CFAP91: variants seen among roughly 807,000 people sequenced by gnomAD.
CFAP91 encodes the protein cilia and flagella associated protein 91.
In CFAP91, 85 loss-of-function variants were observed where a neutral mutation model predicts 95.9. The ratio of observed to expected loss-of-function variants is 0.89; its 90% CI spans 0.74 to 1.06. The LOEUF is 1.06. Ranked by LOEUF, CFAP91 falls within the 50% of genes least tolerant of loss-of-function variation. The pLI, the probability that CFAP91 is intolerant of heterozygous loss-of-function variation, is 0.00. For synonymous variants in CFAP91, 335 were observed against 327.5 expected (o/e 1.02, Z -0.25); for missense variants, 962 against 943.4 (o/e 1.02, Z -0.26).
At chr3:119,705,103 A>G (rs1286925171) in intron 1 of CFAP91, among the ~76,000 whole-genome samples, 1 of 152,194 alleles carries the variant, frequency 6.6e-6, no homozygotes, top group East Asian at 1.9e-4. Flanking sequence ...CTTCCATCTG[A>G]CAGAAAGCCT....
chr3:119,707,758 A>G (rs918791363), intron 3 of CFAP91, among the ~76,000 whole-genome samples, 197 bp downstream of exon 3: 4 of 118,904 alleles, frequency 3.4e-5, no homozygotes, highest in African/African-American at 6.3e-5. Flanking sequence ...TAATTTTGTC[A>G]TATATATAAT....
Position 119,733,563 on chromosome 3 carries a change from C to T in CFAP91, c.1344+57C>T, listed in dbSNP as rs573016455. ...CTAGTATGATTTTTGCAGATAAATG[C>T]TACACTCCAAAAATTGCAGCAATGT... On this transcript the variant is annotated intron_variant, in intron 10 of 17. Coordinates refer to ENST00000273390, the MANE Select transcript of CFAP91 (RefSeq NM_033364.4). 2.0e-5 allele frequency: 31 copies of T among 1,562,782 alleles called. No homozygotes were observed. In the East Asian group the frequency reaches 6.1e-4, roughly 31 times the overall value.
In CFAP91 at chr3:119,726,233, G is replaced by T. The variant is rs371364868; in HGVS notation, c.745G>T (p.Ala249Ser). The T allele has an allele frequency of 5.0e-6, 8 of 1,613,686 alleles. No homozygotes were observed. Among genetic ancestry groups the T allele is most frequent in the Non-Finnish European group, 6.8e-6 (8 of 1,179,874 alleles). The stretch of plus-strand genomic sequence containing the variant: ...GATAGAAAGAGCCCGCGAGAAGCGT[G>T]CTTGGGAAGCCTCTCTCCCCGCTCT... Reference protein sequence around the residue: ...EMIERAREKRAWEASLPALSD... With the variant: ...EMIERAREKRSWEASLPALSD... The change falls in exon 7 of 18, where the codon GCT (alanine) becomes TCT (serine). Residue 249 changes from alanine to serine, a missense_variant. Ala to Ser is a moderately conservative substitution (Grantham distance 99). Transcript: ENST00000273390.
At chr3:119,748,065 T>C (rs1272126192) in intron 16 of CFAP91, among the ~76,000 whole-genome samples, 163 bp downstream of exon 16, 4 of 152,228 alleles carry the variant, frequency 2.6e-5, no homozygotes, top group Non-Finnish European at 5.9e-5. Context: ...TGCTGCCTGA[T>C]TCTAGAATAT....
rs558372385 is a variant in CFAP91 at position 119,738,564 on chromosome 3, G to C, written c.1462-691G>C. Among the ~76,000 whole-genome samples the C allele has an allele frequency of 1.4e-3, 215 of 151,768 alleles. 1 individual carries two copies. The highest frequency in any genetic ancestry group is 4.0e-4 in the Non-Finnish European group (27 of 67,878). On this transcript the variant is annotated intron_variant, in intron 11 of 17. Transcript: ENST00000273390. ...GGGTGTTGCCATGTTGGCCAGGCTT[G>C]TCTCAAACTCTTGACCTCAGGTGAT...
In CFAP91 at chr3:119,730,246, T is replaced by G. The variant is rs776455619; in HGVS notation, c.887T>G (p.Leu296Arg). 1 of 1,614,016 alleles carries G rather than the reference T, an allele frequency of 6.2e-7. No homozygotes were observed. Among genetic ancestry groups the G allele is most frequent in the Non-Finnish European group, 8.5e-7 (1 of 1,179,982 alleles). ...CTGCAGGAGATTCGCCTGGAAGTTCTAAAAGAGCTGTTGAGGAAGCGTGAA... is the reference window on the plus strand; with the variant it reads ...CTGCAGGAGATTCGCCTGGAAGTTCGAAAAGAGCTGTTGAGGAAGCGTGAA... ...EKLQEIRLEV[L>R]KELLRKREEN... The change falls in exon 8 of 18, where the codon CTA becomes CGA. Residue 296 changes from leucine to arginine, a missense_variant. Physicochemically the swap from Leu to Arg is moderately radical, Grantham distance 102. Transcript: ENST00000273390.
At chr3:119,734,804 A>G (rs1040813653) in intron 10 of CFAP91, among the ~76,000 whole-genome samples, 5 of 152,106 alleles carry the variant, frequency 3.3e-5, no homozygotes, top group African/African-American at 9.7e-5. Context: ...GAACTTGAGA[A>G]TATTCCTTCC....
Position 119,709,841 on chromosome 3 carries a change from C to G in CFAP91, c.446C>G (p.Pro149Arg). ...TTATGTTTTCTTTTTCCTCCCAGGC[C>G]TTTTCTCCCATTTTTTCAGCAGATG... ...GKNRYKYFER[P>R]FLPFFQQMPF... The change falls in exon 5 of 18, where the codon CCT (proline) becomes CGT (arginine). Residue 149 changes from proline (P) to arginine (R), a missense_variant and splice_region_variant. By Grantham distance (103) the Pro-to-Arg change is moderately radical (BLOSUM62 -2). Coordinates refer to ENST00000273390, the MANE Select transcript of CFAP91 (RefSeq NM_033364.4). 1 of 1,611,438 alleles carries G rather than the reference C, an allele frequency of 6.2e-7. No homozygotes were observed.
chr3:119,767,068 C>T lies in CFAP91; in HGVS notation c.*2018C>T, dbSNP rs1230254389. On this transcript the variant is annotated 3_prime_UTR_variant, in exon 18 of 18. Coordinates refer to ENST00000273390, the MANE Select transcript of CFAP91 (RefSeq NM_033364.4). ...ATTTTTGCTTTTGAAAATAAAACAC[C>T]TATAGTGACAATAAAAACACACATT... 6.6e-6 allele frequency: 1 copy of T among 152,076 alleles called. No individual in the cohort carries two copies. The highest frequency in any genetic ancestry group is 1.5e-5 in the Non-Finnish European group (1 of 68,022). The allele number at this position is 152,076 out of a possible 1,614,324, so 9.4% of individuals were successfully genotyped here. A position where few individuals can be genotyped will look rare whatever the true frequency, so the allele number is the denominator to read the frequency against.
Position 119,737,439 on chromosome 3 carries a change from C to G in CFAP91, c.1418C>G (p.Pro473Arg), listed in dbSNP as rs770239153. 6.2e-7 allele frequency: 1 copy of G among 1,610,882 alleles called. No individual in the cohort carries two copies. The highest frequency in any genetic ancestry group is 8.5e-7 in the Non-Finnish European group (1 of 1,178,886). ...CGCTTCCTTCAAAGAAACCCAATAC[C>G]TCAACCTCGGCTTCCAACTCCAACC... The part of the protein sequence containing the change: ...PPRFLQRNPI[P>R]QPRLPTPTLE... Residue 473 changes from proline to arginine, a missense_variant, in exon 11 of 18, where the codon CCT becomes CGT. Transcript: ENST00000273390.
intron 13 of CFAP91, among the ~76,000 whole-genome samples, chr3:119,743,326 C>G (rs1401240459): frequency 6.6e-6 from 1 of 151,994 alleles, no homozygotes; most frequent in Non-Finnish European, 1.5e-5. Flanking sequence ...CCATATTGGC[C>G]AGGCTGGTCT....
intron 10 of CFAP91, among the ~76,000 whole-genome samples, chr3:119,736,350 C>G (rs939764770): frequency 5.5e-5 from 8 of 145,968 alleles, no homozygotes; most frequent in Non-Finnish European, 8.9e-5. Context: ...CCGCTCACTG[C>G]AAGCTCTGCC....
chr3:119,716,463 C>T (rs1484734381), intron 6 of CFAP91, among the ~76,000 whole-genome samples: 4 of 152,198 alleles, frequency 2.6e-5, no homozygotes, highest in Non-Finnish European at 5.9e-5. Flanking sequence ...ATTACTTTCC[C>T]CCGCATTGTA....
intron 13 of CFAP91, 185 bp downstream of exon 13, chr3:119,740,880 A>G (rs1300160029): frequency 5.5e-6 from 3 of 547,534 alleles, no homozygotes; most frequent in Non-Finnish European, 8.8e-6. Flanking sequence ...TGTGTGATGG[A>G]GTTTCACTCT....
intron 10 of CFAP91, among the ~76,000 whole-genome samples, chr3:119,735,524 A>G (rs943390069): frequency 5.9e-5 from 9 of 152,182 alleles, no homozygotes; most frequent in African/African-American, 2.2e-4. Flanking sequence ...AAAATTTCCA[A>G]ATATGCAGGA....
In CFAP91 at chr3:119,732,437, G is replaced by A. The variant is rs2053919742; in HGVS notation, c.1162G>A (p.Asp388Asn). Reference sequence around the variant, plus strand: ...GTGTTTCCCAGACAACAACTCAGAGGACTTTGTAGTAAAAAACTACTATCT... The same window carrying A: ...GTGTTTCCCAGACAACAACTCAGAGAACTTTGTAGTAAAAAACTACTATCT... ...LGCFPDNNSE[D>N]FVVKNYYLNT... The change falls in exon 9 of 18, where the codon GAC (aspartate) becomes AAC (asparagine). Residue 388 changes from aspartate to asparagine, a missense_variant. Physicochemically the swap from Asp to Asn is conservative, Grantham distance 23. Coordinates refer to ENST00000273390, the MANE Select transcript of CFAP91 (RefSeq NM_033364.4). The A allele has an allele frequency of 6.2e-7, 1 of 1,608,160 alleles. No individual in the cohort carries two copies. Among genetic ancestry groups the A allele is most frequent in the South Asian group, 1.1e-5 (1 of 89,078 alleles).
chr3:119,752,850 G>C (rs529553955), intron 17 of CFAP91, among the ~76,000 whole-genome samples: 1 of 152,176 alleles, frequency 6.6e-6, no homozygotes, highest in East Asian at 1.9e-4. Flanking sequence ...GAAAAGTCTA[G>C]TTGTCAGGCT....
rs1440738565 is a variant in CFAP91, at chr3:119,708,675, G to A, written c.443+1G>A. ...AGAATCGCTATAAATACTTTGAAAG[G>A]TAGAACATAATTACTAATGAATATT... On this transcript the variant is annotated splice_donor_variant, in intron 4 of 17. Coordinates refer to ENST00000273390, the MANE Select transcript of CFAP91 (RefSeq NM_033364.4). LOFTEE classifies it high-confidence loss of function. The A allele has an allele frequency of 6.6e-7, 1 of 1,519,788 alleles. No individual in the cohort carries two copies. The highest frequency in any genetic ancestry group is 2.3e-5 in the East Asian group (1 of 44,254). The allele number at this position is 1,519,788 out of a possible 1,614,324, so 94.1% of individuals were successfully genotyped here.
chr3:119,742,504 G>A (rs150250967), intron 13 of CFAP91, among the ~76,000 whole-genome samples: 138 of 152,334 alleles, frequency 9.1e-4, no homozygotes, highest in African/African-American at 3.3e-3. Context: ...CTTGCTGAGA[G>A]AAGAGGCTAA....
Sources: allele counts gnomAD v4.1 joint callset (sites outside exome capture counted in the v4.1 genomes callset), GRCh38; gene constraint gnomAD v4.1.1; transcripts MANE v1.5; gene names NCBI Gene and HGNC (gene_info 2026-07-23, HGNC 2026-07-21).